Variants in PBX3 observed in about 807,000 individuals in gnomAD.
The protein encoded by PBX3 is PBX homeobox 3, also known as pre-B-cell leukemia transcription factor 3.
A neutral mutation model predicts 48.5 loss-of-function variants in PBX3; 14 were observed. That is an observed-to-expected ratio of 0.29 (90% CI 0.19 to 0.45). PBX3 has a LOEUF of 0.45. Among genes scored for constraint, PBX3 ranks in the 20% least tolerant of loss-of-function variants. PBX3 has a pLI of 1.00. For missense variants in PBX3, 386 were observed against 546.7 expected (o/e 0.71, Z 2.93); for synonymous variants, 210 against 200.3 (o/e 1.05, Z -0.41).
intron 2 of PBX3, among the ~76,000 whole-genome samples, chr9:125,858,641 T>TTTC (rs1554720823): frequency 6.6e-6 from 1 of 151,078 alleles, no homozygotes; most frequent in African/African-American, 2.4e-5. Flanking sequence ...TTTTTTTTTT[T>TTTC]CAAGATGAAG....
chr9:125,906,003 C>T (rs927115167), intron 2 of PBX3, among the ~76,000 whole-genome samples: 10 of 151,878 alleles, frequency 6.6e-5, no homozygotes, highest in African/African-American at 2.4e-4. Context: ...TGAAGTTCAC[C>T]ATTGACTGAA....
At chr9:125,876,796 TTC>T (rs1840261445) in intron 2 of PBX3, among the ~76,000 whole-genome samples, 1 of 150,870 alleles carries the variant, frequency 6.6e-6, no homozygotes, top group African/African-American at 2.4e-5. Flanking sequence ...ATGTCTTTCT[TTC>T]TTTCTTTTTT....
chr9:125,825,467 A>G (rs1389240908), intron 2 of PBX3, among the ~76,000 whole-genome samples: 2 of 151,874 alleles, frequency 1.3e-5, no homozygotes, highest in Non-Finnish European at 2.9e-5. Flanking sequence ...AAAAAATTAG[A>G]TGATTGATAT....
intron 2 of PBX3, among the ~76,000 whole-genome samples, chr9:125,807,337 G>GA (rs908753469): frequency 1.8e-4 from 26 of 141,338 alleles, no homozygotes; most frequent in South Asian, 6.7e-4. Flanking sequence ...ACTCAAAAAA[G>GA]AAAAAAAAAA....
rs781625025 is a variant in PBX3, at chr9:125,747,555, C to T, written c.102C>T (p.His34=). The change falls in exon 1 of 9, where the codon CAC becomes CAT. Residue 34 remains histidine (H), a synonymous_variant. Coordinates refer to ENST00000373489, the MANE Select transcript of PBX3 (RefSeq NM_006195.6). ...GMALPPPPHG[H]EGADGDGRKQ... ...CCCTGCCGCCTCCCCCGCACGGCCA[C>T]GAAGGGGCGGACGGCGACGGCAGGA... The T allele has an allele frequency of 8.7e-6, 14 of 1,606,388 alleles. No homozygotes were observed. Among genetic ancestry groups the T allele is most frequent in the Non-Finnish European group, 1.2e-5 (14 of 1,176,722 alleles).
chr9:125,929,453 A>C (rs1841665089), intron 3 of PBX3, among the ~76,000 whole-genome samples: 1 of 152,208 alleles, frequency 6.6e-6, no homozygotes, highest in Non-Finnish European at 1.5e-5. Context: ...GTCTCCTTGC[A>C]CGTCTGACCA....
At chr9:125,943,522 T>TTC (rs2132553323) in intron 5 of PBX3, among the ~76,000 whole-genome samples, 1 of 152,248 alleles carries the variant, frequency 6.6e-6, no homozygotes, top group East Asian at 1.9e-4. Flanking sequence ...TACCTATTCC[T>TTC]TCTCTTCTTC....
At chr9:125,915,992 A>G in intron 3 of PBX3, 65 bp downstream of exon 3, 2 of 1,576,896 alleles carry the variant, frequency 1.3e-6, no homozygotes, top group Admixed American at 3.5e-5. Context: ...AGACCATGCT[A>G]ACCAATTCTG....
intron 2 of PBX3, among the ~76,000 whole-genome samples, chr9:125,880,071 G>C (rs1306544937): frequency 6.6e-6 from 1 of 152,198 alleles, no homozygotes; most frequent in Non-Finnish European, 1.5e-5. Flanking sequence ...TTGAGACAGA[G>C]TCTCACTCTG....
In PBX3 at chr9:125,759,654, T is replaced by G. The variant is rs948476728; in HGVS notation, c.274+11031T>G. Among the ~76,000 whole-genome samples the G allele has an allele frequency of 1.3e-5, 2 of 152,192 alleles. No homozygotes were observed. The highest frequency in any genetic ancestry group is 2.9e-5 in the Non-Finnish European group (2 of 68,036). Reference sequence around the variant, plus strand: ...TTTTGTGGGCAATGAATTAAGTGTTTTTGTGGCCCTCTCATCCGTAGCTAG... The same window carrying G: ...TTTTGTGGGCAATGAATTAAGTGTTGTTGTGGCCCTCTCATCCGTAGCTAG... On this transcript the variant is annotated intron_variant, in intron 2 of 8. Transcript: ENST00000373489. The surrounding 1 kb of genome is among the most constrained non-coding windows in gnomAD (Gnocchi z 4.2).
At chr9:125,960,054 A>G (rs766155676) in intron 5 of PBX3, among the ~76,000 whole-genome samples, 8 of 152,326 alleles carry the variant, frequency 5.3e-5, no homozygotes, top group Middle Eastern at 3.4e-3. Context: ...ACCTGATGAC[A>G]TTAGAGTTGC....
intron 2 of PBX3, among the ~76,000 whole-genome samples, chr9:125,859,350 T>C (rs1839803846): frequency 6.6e-6 from 1 of 152,186 alleles, no homozygotes; most frequent in Non-Finnish European, 1.5e-5. Flanking sequence ...TTATCCCTTC[T>C]TTTGCCATTG....
chr9:125,818,069 C>T lies in PBX3; in HGVS notation c.274+69446C>T, dbSNP rs900286436. ...TGCAAAATTAGCTAGCATAGTGGCT[C>T]ACACCTGTAGTCCTAGCAACCTGGG... On this transcript the variant is annotated intron_variant, in intron 2 of 8. Coordinates refer to ENST00000373489, the MANE Select transcript of PBX3 (RefSeq NM_006195.6). Among the ~76,000 whole-genome samples, 2 of 151,972 alleles carry T rather than the reference C, an allele frequency of 1.3e-5. 1 individual carries two copies. The highest frequency in any genetic ancestry group is 4.1e-4 in the South Asian group (2 of 4,822).
chr9:125,880,896 GTC>G (rs964311265), intron 2 of PBX3, among the ~76,000 whole-genome samples: 60 of 152,226 alleles, frequency 3.9e-4, no homozygotes, highest in African/African-American at 1.4e-3. Context: ...ATAAAAAACT[GTC>G]TTATTGAATA....
chr9:125,781,572 GGA>G (rs1318748437), intron 2 of PBX3, among the ~76,000 whole-genome samples: 1 of 146,776 alleles, frequency 6.8e-6, no homozygotes, highest in African/African-American at 2.5e-5. Flanking sequence ...AGGCGAGAGG[GGA>G]GAGGGGAGAG....
At chr9:125,780,401 C>T (rs1837231364) in intron 2 of PBX3, among the ~76,000 whole-genome samples, 1 of 93,986 alleles carries the variant, frequency 1.1e-5, no homozygotes, top group Non-Finnish European at 2.1e-5. Context: ...GGGCGGCTGG[C>T]CGGGCGGGGG....
chr9:125,926,829 T>C (rs945745847), intron 3 of PBX3, among the ~76,000 whole-genome samples: 1 of 152,036 alleles, frequency 6.6e-6, no homozygotes, highest in South Asian at 2.1e-4. Flanking sequence ...TCAAAAAAAA[T>C]AGTAATAAGA....
intron 2 of PBX3, among the ~76,000 whole-genome samples, chr9:125,827,401 C>T (rs1023308123): frequency 2.0e-5 from 3 of 152,142 alleles, no homozygotes; most frequent in African/African-American, 7.2e-5. Flanking sequence ...ATCCGTTCAG[C>T]TCACTAACTT....
At chr9:125,829,358 C>G (rs1838894013) in intron 2 of PBX3, among the ~76,000 whole-genome samples, 1 of 152,056 alleles carries the variant, frequency 6.6e-6, no homozygotes, top group South Asian at 2.1e-4. Context: ...GGTACATTTT[C>G]TTTAGCTAAT....
Sources: gnomAD v4.1 joint callset for allele counts (sites outside exome capture counted in the v4.1 genomes callset) on GRCh38, gnomAD v4.1.1 for gene constraint, Gnocchi (gnomAD v3.1) non-coding constraint, MANE v1.5 for transcripts, NCBI Gene and HGNC (gene_info 2026-07-23, HGNC 2026-07-21) for gene names.